The following SUGCT variants were observed in gnomAD, a reference collection of about 807,000 sequenced individuals.
SUGCT encodes the protein succinyl-CoA:glutarate CoA-transferase.
In SUGCT, 41 loss-of-function variants were observed where a neutral mutation model predicts 55.0. That is an observed-to-expected ratio of 0.74 (90% CI 0.58 to 0.97). SUGCT has a LOEUF of 0.97. Ranked by LOEUF, SUGCT falls within the 50% of genes least tolerant of loss-of-function variation. The probability of loss-of-function intolerance (pLI) is 0.00; values close to 1 mark genes in which losing one functional copy is unlikely to be tolerated. For missense variants in SUGCT, 568 were observed against 547.8 expected, an observed-to-expected ratio of 1.04 and a Z score of -0.37; for synonymous variants, 187 against 200.4, an observed-to-expected ratio of 0.93 and a Z score of 0.56.
At chr7:40,443,278 G>C (rs1213065710) in intron 9 of SUGCT, among the ~76,000 whole-genome samples, 1 of 152,120 alleles carries the variant, frequency 6.6e-6, no homozygotes, top group Non-Finnish European at 1.5e-5. Context: ...TCTAGTTTGA[G>C]ATCCCTGAGG....
Position 40,677,626 on chromosome 7 carries a change from A to G in SUGCT, c.1090-71808A>G, listed in dbSNP as rs537557323. On this transcript the variant is annotated intron_variant, in intron 12 of 13. Transcript: ENST00000335693. Reference sequence around the variant, plus strand: ...CTCAGTAGACTCCTGTTTATGTCTCACTGGTCAGAACGAGTTCCATGCCCA... The same window carrying G: ...CTCAGTAGACTCCTGTTTATGTCTCGCTGGTCAGAACGAGTTCCATGCCCA... Among the ~76,000 whole-genome samples, 5 of 152,280 alleles carry G rather than the reference A, an allele frequency of 3.3e-5. No individual in the cohort carries two copies. In the South Asian group the frequency reaches 1.0e-3, roughly 32 times the overall value.
In SUGCT at chr7:40,740,506, A is replaced by G. The variant is rs1312347420; in HGVS notation, c.1090-8928A>G. Among the ~76,000 whole-genome samples the G allele has an allele frequency of 3.3e-5, 5 of 150,862 alleles. No homozygotes were observed. The East Asian group carries it at 9.6e-4, about 29-fold the overall frequency. ...TAAGTCAAATAAGAGTGGTGGGAGC[A>G]GACATCCTTGCCTCATTTTATTTTA... On this transcript the variant is annotated intron_variant, in intron 12 of 13. Transcript: ENST00000335693.
chr7:40,546,927 T>C (rs1210313211), intron 12 of SUGCT: 1 of 152,192 alleles, frequency 6.6e-6, no homozygotes, highest in Non-Finnish European at 1.5e-5. Context: ...CAAGCATAAT[T>C]CTAATCATAA....
chr7:41,029,707 A>G, the SUGCT span, among the ~76,000 whole-genome samples: 1 of 152,192 alleles, frequency 6.6e-6, no homozygotes, highest in Admixed American at 6.5e-5. Context: ...GTTAACATGT[A>G]TTATTTTGGT....
At chr7:40,838,602 G>A (rs1338268407) in intron 13 of SUGCT, among the ~76,000 whole-genome samples, 1 of 151,448 alleles carries the variant, frequency 6.6e-6, no homozygotes, top group Admixed American at 6.6e-5. Context: ...CTTTTATCTT[G>A]TATCCTAAGG....
At chr7:40,815,452 G>A (rs1276423393) in intron 13 of SUGCT, among the ~76,000 whole-genome samples, 1 of 152,208 alleles carries the variant, frequency 6.6e-6, no homozygotes, top group African/African-American at 2.4e-5. Flanking sequence ...CAGGATCTCT[G>A]CACAAGAAGG....
At chr7:40,385,139 T>C (rs1446450188) in intron 9 of SUGCT, among the ~76,000 whole-genome samples, 1 of 152,248 alleles carries the variant, frequency 6.6e-6, no homozygotes, top group Admixed American at 6.5e-5. Flanking sequence ...TTGGCACTGC[T>C]AGAATCCATC....
chr7:40,978,505 G>A, the SUGCT span, among the ~76,000 whole-genome samples: 1 of 152,158 alleles, frequency 6.6e-6, no homozygotes, highest in East Asian at 1.9e-4. Flanking sequence ...GTGCTCATGG[G>A]CCTCAAAGTC....
intron 8 of SUGCT, among the ~76,000 whole-genome samples, chr7:40,292,594 G>A (rs1344054394): frequency 6.6e-6 from 1 of 152,106 alleles, no homozygotes; most frequent in Non-Finnish European, 1.5e-5. Context: ...CTCAAGCCAG[G>A]TCACAATAGT....
chr7:40,931,583 A>G, the SUGCT span, among the ~76,000 whole-genome samples: 25 of 152,236 alleles, frequency 1.6e-4, no homozygotes, highest in African/African-American at 5.1e-4. Flanking sequence ...GCTATTAATT[A>G]TTGCCTCAAT....
chr7:40,478,585 T>G (rs920217529), intron 11 of SUGCT, among the ~76,000 whole-genome samples: 5 of 152,196 alleles, frequency 3.3e-5, no homozygotes, highest in Admixed American at 2.0e-4. Context: ...TGCAGTGTTG[T>G]GATTTGATAT....
chr7:41,002,280 C>T, the SUGCT span, among the ~76,000 whole-genome samples: 2 of 152,166 alleles, frequency 1.3e-5, no homozygotes, highest in Admixed American at 1.3e-4. Context: ...CTTGGCCTCC[C>T]AAAGTGCTGG....
the SUGCT span, among the ~76,000 whole-genome samples, chr7:41,025,451 C>T: frequency 6.6e-6 from 1 of 151,778 alleles, no homozygotes; most frequent in East Asian, 1.9e-4. Context: ...CTCACTGCAA[C>T]CACCGCCTTC....
At chr7:40,970,409 T>G in the SUGCT span, among the ~76,000 whole-genome samples, 1 of 152,158 alleles carries the variant, frequency 6.6e-6, no homozygotes, top group Non-Finnish European at 1.5e-5. Flanking sequence ...TGATCTCAAG[T>G]GATCCGTCTG....
intron 12 of SUGCT, among the ~76,000 whole-genome samples, chr7:40,715,634 CCT>C (rs1425217433): frequency 3.3e-5 from 5 of 152,288 alleles, no homozygotes; most frequent in East Asian, 1.9e-4. Context: ...CAGACTTCTC[CCT>C]GTCTTTACCT....
At chr7:40,777,894 T>C (rs986944817) in intron 13 of SUGCT, among the ~76,000 whole-genome samples, 25 of 152,116 alleles carry the variant, frequency 1.6e-4, no homozygotes, top group Admixed American at 1.6e-3. Flanking sequence ...TGAATCACAG[T>C]TCCTCTGCCT....
the SUGCT span, among the ~76,000 whole-genome samples, chr7:40,958,606 C>T: frequency 6.6e-6 from 1 of 151,914 alleles, no homozygotes; most frequent in Non-Finnish European, 1.5e-5. Context: ...TGGGTTAAAA[C>T]TTGCTCCTTT....
intron 9 of SUGCT, among the ~76,000 whole-genome samples, chr7:40,367,774 G>A (rs1433582364): frequency 6.6e-6 from 1 of 152,010 alleles, no homozygotes; most frequent in African/African-American, 2.4e-5. Flanking sequence ...GAATATTGCA[G>A]ACTCTCATTC....
intron 1 of SUGCT, among the ~76,000 whole-genome samples, chr7:40,148,703 T>A (rs1737487547): frequency 6.6e-6 from 1 of 151,726 alleles, no homozygotes; most frequent in African/African-American, 2.4e-5. Context: ...CATGATGAGG[T>A]TTATGAGCTC....
Sources: allele counts gnomAD v4.1 joint callset (sites outside exome capture counted in the v4.1 genomes callset), GRCh38; gene constraint gnomAD v4.1.1; transcripts MANE v1.5; gene names NCBI Gene and HGNC (gene_info 2026-07-23, HGNC 2026-07-21).